WDR49: variants seen among roughly 807,000 people sequenced by gnomAD.
WDR49 encodes WD repeat domain 49.
WDR49 carries 107 observed loss-of-function variants against 119.5 expected under a neutral mutation model. The ratio of observed to expected loss-of-function variants is 0.90; its 90% CI spans 0.77 to 1.05. WDR49 has a LOEUF of 1.05. WDR49 is among the 50% of genes least tolerant of loss of function. The pLI, the probability that WDR49 is intolerant of heterozygous loss-of-function variation, is 0.00. For synonymous variants in WDR49, 425 were observed against 418.8 expected, an observed-to-expected ratio of 1.01 and a Z score of -0.18; for missense variants, 1,240 against 1,220.5, an observed-to-expected ratio of 1.02 and a Z score of -0.24.
chr3:167,572,441 C>G (rs1577248506), intron 8 of WDR49, among the ~76,000 whole-genome samples: 1 of 152,124 alleles, frequency 6.6e-6, no homozygotes, highest in East Asian at 1.9e-4. Flanking sequence ...GTTGAAATAA[C>G]AACACAAGGG....
intron 16 of WDR49, among the ~76,000 whole-genome samples, chr3:167,511,375 A>G (rs1371681344): frequency 6.6e-6 from 1 of 152,202 alleles, no homozygotes; most frequent in Non-Finnish European, 1.5e-5. Context: ...AAAATGCTGT[A>G]CAGTAGAAAT....
chr3:167,656,324 A>G (rs917841030), upstream of WDR49, among the ~76,000 whole-genome samples: 1 of 152,222 alleles, frequency 6.6e-6, no homozygotes, highest in Non-Finnish European at 1.5e-5. Flanking sequence ...TAAGTTAATA[A>G]TACTTTAAAT....
chr3:167,656,519 A>G (rs1414607515), upstream of WDR49, among the ~76,000 whole-genome samples: 1 of 152,204 alleles, frequency 6.6e-6, no homozygotes, highest in African/African-American at 2.4e-5. Flanking sequence ...TAATTATTCT[A>G]AGACAGACAA....
intron 16 of WDR49, among the ~76,000 whole-genome samples, chr3:167,513,305 T>A (rs1250316414): frequency 6.6e-6 from 1 of 152,086 alleles, no homozygotes; most frequent in Non-Finnish European, 1.5e-5. Flanking sequence ...GGGCCAATAT[T>A]CAACATTCTT....
chr3:167,573,705 G>A (rs1262636293), intron 8 of WDR49, among the ~76,000 whole-genome samples: 1 of 152,096 alleles, frequency 6.6e-6, no homozygotes, highest in East Asian at 1.9e-4. Flanking sequence ...AGAGGTCCAA[G>A]ATCACACTGT....
intron 9 of WDR49, among the ~76,000 whole-genome samples, chr3:167,556,547 A>C (rs1712937511): frequency 6.6e-6 from 1 of 152,176 alleles, no homozygotes; most frequent in South Asian, 2.1e-4. Context: ...CTACTATGAA[A>C]CCTTGTTGGC....
chr3:167,631,456 G>A (rs1187443285), intron 2 of WDR49, among the ~76,000 whole-genome samples: 2 of 151,982 alleles, frequency 1.3e-5, no homozygotes, highest in African/African-American at 2.4e-5. Context: ...GCACATGTCT[G>A]AGAAGGACCA....
intron 7 of WDR49, among the ~76,000 whole-genome samples, chr3:167,594,226 A>T (rs1221789005): frequency 1.2e-4 from 18 of 152,208 alleles, no homozygotes; most frequent in Admixed American, 8.5e-4. Flanking sequence ...ATAAGAAGAC[A>T]GGAGAATGTG....
At chr3:167,505,106 G>T (rs562675357) in intron 17 of WDR49, among the ~76,000 whole-genome samples, 1 of 151,982 alleles carries the variant, frequency 6.6e-6, no homozygotes, top group Non-Finnish European at 1.5e-5. Flanking sequence ...CACTTTTTCC[G>T]CTAGTATTCT....
chr3:167,624,206 C>T (rs1460784929), intron 3 of WDR49, among the ~76,000 whole-genome samples: 1 of 151,302 alleles, frequency 6.6e-6, no homozygotes, highest in Non-Finnish European at 1.5e-5. Context: ...TTTAAAATGG[C>T]TAAAATTAAG....
chr3:167,582,949 AACACACACACACACACACAT>A (rs1714621165), intron 7 of WDR49, among the ~76,000 whole-genome samples: 1 of 149,142 alleles, frequency 6.7e-6, no homozygotes, highest in African/African-American at 2.5e-5. Context: ...TCTCAAAACA[AACACACACACACACACACAT>A]ACACACACAC....
At chr3:167,631,742 C>G (rs6807030) in intron 2 of WDR49, among the ~76,000 whole-genome samples, 1 of 151,660 alleles carries the variant, frequency 6.6e-6, no homozygotes, top group Non-Finnish European at 1.5e-5. Flanking sequence ...CACCAGAGAT[C>G]GTGAGAACTA....
intron 7 of WDR49, among the ~76,000 whole-genome samples, chr3:167,577,710 A>T (rs9290316): frequency 0.34 from 51,743 of 151,932 alleles, 10,275 homozygotes; most frequent in African/African-American, 0.56. Flanking sequence ...GCAGAAAACA[A>T]TATTTCAAAT....
rs868142698 is a variant in WDR49 at position 167,620,717 on chromosome 3, A to T, written c.784-114T>A. 20 of 1,052,074 alleles carry T rather than the reference A, an allele frequency of 1.9e-5. No individual in the cohort carries two copies. The South Asian group carries it at 4.0e-4, about 21-fold the overall frequency. The allele number at this position is 1,052,074 out of a possible 1,614,324, so 65.2% of individuals were successfully genotyped here. On this transcript the variant is annotated intron_variant, in intron 4 of 18. Coordinates refer to ENST00000682715, the MANE Select transcript of WDR49 (RefSeq NM_001366157.1). ...CTATTAACTTAATAAGAATTTCTTC[A>T]ATATTATTTAAAGGATGCAGGGTGT...
rs1376512721 is a variant in WDR49, at chr3:167,576,156, A to T, written c.1276-5T>A. ...AATATCCCAGAGTCTCAAAACCTGG[A>T]TGAAAAGTGATAAAATCATTTCAAT... is the stretch of plus-strand genomic sequence containing the variant. On this transcript the variant is annotated splice_polypyrimidine_tract_variant and splice_region_variant and intron_variant, in intron 7 of 18. Transcript: ENST00000682715. 6.2e-7 allele frequency: 1 copy of T among 1,609,532 alleles called. No homozygotes were observed. Among genetic ancestry groups the T allele is most frequent in the East Asian group, 2.2e-5 (1 of 44,806 alleles).
chr3:167,497,015 G>T (rs1428070827), intron 18 of WDR49, among the ~76,000 whole-genome samples: 1 of 152,102 alleles, frequency 6.6e-6, no homozygotes, highest in Non-Finnish European at 1.5e-5. Context: ...CCTCAACCTT[G>T]ATATGTCCTT....
chr3:167,587,698 G>T (rs745306961), intron 7 of WDR49, among the ~76,000 whole-genome samples: 2 of 152,044 alleles, frequency 1.3e-5, no homozygotes, highest in Admixed American at 6.5e-5. Flanking sequence ...TGCCTAGGCT[G>T]ATCTTGAACT....
chr3:167,572,219 G>A (rs551044576), intron 8 of WDR49, among the ~76,000 whole-genome samples: 24 of 152,220 alleles, frequency 1.6e-4, no homozygotes, highest in Middle Eastern at 3.4e-3. Flanking sequence ...TGGCTGTGAG[G>A]GCAAACTTTG....
At chr3:167,491,415 CCT>C (rs1286283664) in intron 18 of WDR49, among the ~76,000 whole-genome samples, 2 of 152,042 alleles carry the variant, frequency 1.3e-5, no homozygotes, top group East Asian at 1.9e-4. Flanking sequence ...ATTCCAGGAC[CCT>C]CTCTTTCCTT....
Sources: allele counts gnomAD v4.1 joint callset (sites outside exome capture counted in the v4.1 genomes callset), GRCh38; gene constraint gnomAD v4.1.1; transcripts MANE v1.5; gene names NCBI Gene and HGNC (gene_info 2026-07-23, HGNC 2026-07-21).